Variants in CTDSPL observed in about 807,000 individuals in gnomAD.
The protein encoded by CTDSPL is CTD small phosphatase-like protein.
Under a neutral mutation model 30.5 loss-of-function variants are expected in CTDSPL, and 8 were observed. That is an observed-to-expected ratio of 0.26 (90% CI 0.15 to 0.47). The LOEUF is 0.47. Among genes scored for constraint, CTDSPL ranks in the 20% least tolerant of loss-of-function variants. The pLI is 0.99. For missense variants in CTDSPL, 248 were observed against 366.1 expected (o/e 0.68, Z 2.63); for synonymous variants, 110 against 137.9 (o/e 0.80, Z 1.42).
At chr3:37,870,571 C>T (rs1436343838) in intron 1 of CTDSPL, among the ~76,000 whole-genome samples, 1 of 151,954 alleles carries the variant, frequency 6.6e-6, no homozygotes, top group Admixed American at 6.6e-5. Context: ...GATTTCTGTT[C>T]TTATCTTTAT....
intron 1 of CTDSPL, among the ~76,000 whole-genome samples, chr3:37,873,249 G>A (rs574393815): frequency 7.2e-5 from 11 of 152,342 alleles, no homozygotes; most frequent in Admixed American, 3.3e-4. Flanking sequence ...GAGTAGGTGT[G>A]TGGCGGAAGG....
intron 5 of CTDSPL, among the ~76,000 whole-genome samples, chr3:37,970,581 T>G (rs1699355684): frequency 6.6e-6 from 1 of 152,204 alleles, no homozygotes; most frequent in Non-Finnish European, 1.5e-5. Context: ...AGCTTTGCCT[T>G]CTCTCCCATC....
At chr3:37,962,117 A>C (rs1417600460) in intron 3 of CTDSPL, among the ~76,000 whole-genome samples, 2 of 152,216 alleles carry the variant, frequency 1.3e-5, no homozygotes, top group Non-Finnish European at 2.9e-5. Context: ...AGCTTTATGA[A>C]GACTTCAGAG....
At chr3:37,949,637 G>C (rs1016282762) in intron 2 of CTDSPL, among the ~76,000 whole-genome samples, 4 of 152,218 alleles carry the variant, frequency 2.6e-5, no homozygotes, top group African/African-American at 9.7e-5. Context: ...TGGAATTATA[G>C]CTAGGATTTT....
chr3:37,969,988 G>A (rs948946526), intron 5 of CTDSPL, among the ~76,000 whole-genome samples: 6 of 152,106 alleles, frequency 3.9e-5, no homozygotes, highest in African/African-American at 1.4e-4. Context: ...ATTCTCACCT[G>A]CTCCATCTGC....
chr3:37,864,247 C>CCAGGAG (rs1291998744), intron 1 of CTDSPL, among the ~76,000 whole-genome samples: 4 of 152,170 alleles, frequency 2.6e-5, no homozygotes, highest in Non-Finnish European at 4.4e-5. Flanking sequence ...CCACCTGACT[C>CCAGGAG]CAGGAGCAGG....
intron 6 of CTDSPL, among the ~76,000 whole-genome samples, chr3:37,972,418 GA>G (rs1230488636): frequency 4.6e-5 from 7 of 152,142 alleles, no homozygotes; most frequent in Admixed American, 4.6e-4. Flanking sequence ...CTTGAACCCA[GA>G]AGGCAGAGGT....
At chr3:37,896,096 T>C (rs558948516) in intron 1 of CTDSPL, among the ~76,000 whole-genome samples, 3 of 152,314 alleles carry the variant, frequency 2.0e-5, no homozygotes, top group Non-Finnish European at 2.9e-5. Context: ...TCTTGAGCGC[T>C]CCTATAAACA....
chr3:37,959,403 T>A (rs1232729230), intron 3 of CTDSPL, among the ~76,000 whole-genome samples: 3 of 152,144 alleles, frequency 2.0e-5, no homozygotes, highest in Non-Finnish European at 4.4e-5. Context: ...AGAGAAAATA[T>A]CTCTCAATGT....
chr3:37,909,365 G>T (rs1698554231), intron 1 of CTDSPL, among the ~76,000 whole-genome samples: 1 of 152,170 alleles, frequency 6.6e-6, no homozygotes, highest in African/African-American at 2.4e-5. Flanking sequence ...AATAAACCTG[G>T]GTGCTCTTCC....
chr3:37,948,921 C>T (rs1388373296), intron 2 of CTDSPL, among the ~76,000 whole-genome samples: 1 of 149,164 alleles, frequency 6.7e-6, no homozygotes, highest in Non-Finnish European at 1.5e-5. Flanking sequence ...CCCGGGTTCA[C>T]GCCATTCTCC....
intron 1 of CTDSPL, among the ~76,000 whole-genome samples, chr3:37,890,662 G>A (rs1341525105): frequency 3.3e-5 from 5 of 152,092 alleles, no homozygotes; most frequent in East Asian, 3.9e-4. Flanking sequence ...CACAGGCGTC[G>A]CCAGCATGGT....
chr3:37,945,973 G>T (rs1196743197), intron 1 of CTDSPL, among the ~76,000 whole-genome samples: 2 of 152,242 alleles, frequency 1.3e-5, no homozygotes, highest in Non-Finnish European at 2.9e-5. Context: ...AAGAGGAATT[G>T]TGCCAGAATT....
chr3:37,904,669 C>T (rs1158120799), intron 1 of CTDSPL, among the ~76,000 whole-genome samples: 1 of 152,162 alleles, frequency 6.6e-6, no homozygotes, highest in Non-Finnish European at 1.5e-5. Context: ...CTCTGCTCAG[C>T]CCCCTTTTTA....
intron 1 of CTDSPL, among the ~76,000 whole-genome samples, chr3:37,940,270 C>G (rs1402409637): frequency 6.6e-6 from 1 of 150,410 alleles, no homozygotes; most frequent in Admixed American, 6.7e-5. Flanking sequence ...GGTCTGACCC[C>G]TGCCTATGTT....
chr3:37,952,059 C>T (rs943222642), intron 2 of CTDSPL, among the ~76,000 whole-genome samples: 3 of 152,036 alleles, frequency 2.0e-5, no homozygotes, highest in African/African-American at 4.8e-5. Context: ...TGTCTATAAT[C>T]CCTGCACTTT....
intron 2 of CTDSPL, chr3:37,954,973 T>C (rs1699154388): frequency 6.6e-6 from 1 of 152,248 alleles, no homozygotes; most frequent in South Asian, 2.1e-4. Context: ...TGCTTGCTCA[T>C]AGTGGGCATT....
At chr3:37,918,036 G>A (rs923900510) in intron 1 of CTDSPL, among the ~76,000 whole-genome samples, 2 of 152,178 alleles carry the variant, frequency 1.3e-5, no homozygotes, top group Non-Finnish European at 2.9e-5. Context: ...GATTCTAAGT[G>A]AGGGGAGATG....
intron 1 of CTDSPL, among the ~76,000 whole-genome samples, chr3:37,873,403 A>C (rs1394881147): frequency 6.6e-6 from 1 of 152,182 alleles, no homozygotes; most frequent in Non-Finnish European, 1.5e-5. Flanking sequence ...TTTCTCCCAT[A>C]GCCAGCTTCT....
Sources: allele counts gnomAD v4.1 joint callset (sites outside exome capture counted in the v4.1 genomes callset), GRCh38; gene constraint gnomAD v4.1.1; transcripts MANE v1.5; gene names NCBI Gene and HGNC (gene_info 2026-07-23, HGNC 2026-07-21).